XPO4: variants seen among roughly 807,000 people sequenced by gnomAD.
XPO4 encodes the protein exportin-4.
XPO4 carries 39 observed loss-of-function variants against 143.0 expected under a neutral mutation model. The ratio of observed to expected loss-of-function variants is 0.27; its 90% confidence interval spans 0.21 to 0.36. The LOEUF (loss-of-function observed/expected upper bound fraction) is 0.36, where lower values mean the gene tolerates loss of function less well. Ranked by LOEUF, XPO4 falls within the 10% of genes least tolerant of loss-of-function variation. XPO4 has a pLI of 1.00. For synonymous variants in XPO4, 439 were observed against 474.0 expected (o/e 0.93, Z 0.96); for missense variants, 907 against 1,348.0 (o/e 0.67, Z 5.12).
chr13:20,821,214 T>G (rs1318763321), intron 9 of XPO4, among the ~76,000 whole-genome samples: 1 of 151,850 alleles, frequency 6.6e-6, no homozygotes, highest in East Asian at 1.9e-4. Context: ...TCCAAAAAAT[T>G]AGAGAGCACA....
At chr13:20,848,441 A>G (rs2060049307) in intron 4 of XPO4, 2 of 985,288 alleles carry the variant, frequency 2.0e-6, no homozygotes, top group Non-Finnish European at 1.2e-6. Context: ...CCTAATTTGC[A>G]TAATTGTCCT....
intron 6 of XPO4, among the ~76,000 whole-genome samples, chr13:20,839,191 A>G (rs1420239602): frequency 2.0e-5 from 3 of 152,070 alleles, no homozygotes; most frequent in African/African-American, 7.2e-5. Flanking sequence ...CTGCACCCAG[A>G]AGGCAGAGGT....
At position 20,796,230 on chromosome 13, in the gene XPO4, G is replaced by C. The variant is rs1274671766; in HGVS notation, c.2643C>G (p.Ala881=). The change falls in exon 18 of 23, where the codon GCC becomes GCG. Residue 881 remains alanine, a synonymous_variant. Transcript: ENST00000255305. ...GESKAMNLYE[A]CLTLLQVYSK... The stretch of plus-strand genomic sequence containing the variant: ...AATACACTTGCAACAAAGTAAGGCA[G>C]GCTTCATATAAGTTCATAGCTTTGG... 1.2e-6 allele frequency: 2 copies of C among 1,609,620 alleles called. No homozygotes were observed. The highest frequency in any genetic ancestry group is 2.2e-5 in the South Asian group (2 of 90,502).
chr13:20,897,436 T>G (rs1414843327), intron 1 of XPO4, among the ~76,000 whole-genome samples: 1 of 152,220 alleles, frequency 6.6e-6, no homozygotes, highest in East Asian at 1.9e-4. Flanking sequence ...TGATTCAGCT[T>G]AAGGGTTACC....
rs1365953455 is a variant in XPO4 at position 20,782,087 on chromosome 13, TAACATCACATGC to T, written c.*1623_*1634del. 1 of 152,248 alleles carries T rather than the reference TAACATCACATGC, an allele frequency of 6.6e-6. No individual in the cohort carries two copies. The highest frequency in any genetic ancestry group is 1.5e-5 in the Non-Finnish European group (1 of 68,044). 9.4% of individuals were successfully genotyped at this position (152,248 alleles called of 1,614,324 possible). A position where few individuals can be genotyped will look rare whatever the true frequency, so the allele number is the denominator to read the frequency against. ...CCAAGGCCCTGCATTCACATCTACC[TAACATCACATGC>T]ACAGGTTGGATGTAATTCAGATGCT... On this transcript the variant is annotated 3_prime_UTR_variant, in exon 23 of 23. Coordinates refer to ENST00000255305, the MANE Select transcript of XPO4 (RefSeq NM_022459.5).
intron 9 of XPO4, among the ~76,000 whole-genome samples, chr13:20,819,630 A>C (rs563653381): frequency 8.5e-5 from 13 of 152,270 alleles, no homozygotes; most frequent in African/African-American, 2.6e-4. Flanking sequence ...ATCGCAGTCC[A>C]GCCTGGGCGA....
intron 3 of XPO4, among the ~76,000 whole-genome samples, chr13:20,862,311 A>G (rs2060209113): frequency 6.6e-6 from 1 of 152,202 alleles, no homozygotes; most frequent in Admixed American, 6.5e-5. Flanking sequence ...AACAACAACA[A>G]CAAAAAACTA....
intron 1 of XPO4, among the ~76,000 whole-genome samples, chr13:20,886,827 A>G (rs2060465325): frequency 6.6e-6 from 1 of 152,136 alleles, no homozygotes. Context: ...TAATCCCAGC[A>G]CTTTGGGAGG....
At chr13:20,863,984 T>C (rs187351360) in intron 2 of XPO4, among the ~76,000 whole-genome samples, 1 of 152,282 alleles carries the variant, frequency 6.6e-6, no homozygotes, top group African/African-American at 2.4e-5. Context: ...CCTATATAAA[T>C]TCCTATCGTA....
rs911593264 is a variant in XPO4 at position 20,785,907 on chromosome 13, G to GAGGA, written c.3258+1054_3258+1057dup. 8.0e-4 allele frequency among the ~76,000 whole-genome samples: 116 copies of GAGGA among 144,200 alleles called. 2 individuals carry two copies. The highest frequency in any genetic ancestry group is 2.8e-3 in the African/African-American group (106 of 38,528). The allele number at this position is 144,200 out of a possible 152,430, so 94.6% of individuals were successfully genotyped here. On this transcript the variant is annotated intron_variant, in intron 22 of 22. Transcript: ENST00000255305. ...GAGGGAGAAAGAAAGAAAGAGGAGG[G>GAGGA]AGGAAGGAAGGAAGAAAGGAAAGAA...
intron 4 of XPO4, chr13:20,851,103 G>T (rs1237323261): frequency 1.0e-6 from 1 of 984,998 alleles, no homozygotes; most frequent in Non-Finnish European, 1.2e-6. Flanking sequence ...TTATATCTGA[G>T]ACTATGAAAA....
intron 3 of XPO4, 58 bp downstream of exon 3, chr13:20,862,659 A>G: frequency 6.3e-7 from 1 of 1,596,882 alleles, no homozygotes; most frequent in East Asian, 2.2e-5. Flanking sequence ...AAAAAGCTCT[A>G]AAAAGATACA....
At chr13:20,875,102 A>G (rs2138146896) in intron 1 of XPO4, among the ~76,000 whole-genome samples, 1 of 152,342 alleles carries the variant, frequency 6.6e-6, no homozygotes, top group East Asian at 1.9e-4. Context: ...AAAACGATAG[A>G]TGTACCAACC....
intron 9 of XPO4, among the ~76,000 whole-genome samples, chr13:20,815,974 G>A (rs979863839): frequency 6.6e-6 from 1 of 151,966 alleles, no homozygotes; most frequent in Non-Finnish European, 1.5e-5. Flanking sequence ...AAAACCACAG[G>A]TTAAAAAACA....
intron 1 of XPO4, among the ~76,000 whole-genome samples, chr13:20,893,047 T>G (rs1443013232): frequency 6.6e-6 from 1 of 151,872 alleles, no homozygotes; most frequent in Non-Finnish European, 1.5e-5. Context: ...AGGACTAGTA[T>G]ATGAGAGGCC....
At chr13:20,849,998 C>T (rs193066927) in intron 4 of XPO4, 13,809 of 607,478 alleles carry the variant, frequency 0.023, 196 homozygotes, top group Non-Finnish European at 0.026. Flanking sequence ...CCCAGCTACT[C>T]GGGTGGCTGA....
intron 6 of XPO4, among the ~76,000 whole-genome samples, chr13:20,841,124 T>C (rs1198573691): frequency 6.6e-6 from 1 of 152,172 alleles, no homozygotes; most frequent in Non-Finnish European, 1.5e-5. Flanking sequence ...ATATATGCAG[T>C]GTAACTTTTG....
intron 9 of XPO4, 52 bp downstream of exon 9, chr13:20,821,652 C>T (rs144483994): frequency 3.2e-5 from 50 of 1,546,918 alleles, no homozygotes; most frequent in Middle Eastern, 1.7e-4. Context: ...CCAAAGGCAC[C>T]GCAAATTTCC....
Position 20,782,277 on chromosome 13 carries a change from T to C in XPO4, c.*1445A>G, listed in dbSNP as rs2059151645. On this transcript the variant is annotated 3_prime_UTR_variant, in exon 23 of 23. Coordinates refer to ENST00000255305, the MANE Select transcript of XPO4 (RefSeq NM_022459.5). ...GTCAGGAACATGGTGGAAGCAGAGT[T>C]TCATGAGTGCACCTGTGCCAGAGTC... The C allele has an allele frequency of 6.6e-6, 1 of 152,218 alleles. No homozygotes were observed. Among genetic ancestry groups the C allele is most frequent in the African/African-American group, 2.4e-5 (1 of 41,460 alleles). 9.4% of individuals were successfully genotyped at this position (152,218 alleles called of 1,614,324 possible). A position where few individuals can be genotyped will look rare whatever the true frequency, so the allele number is the denominator to read the frequency against.
Sources: gnomAD v4.1 joint callset for allele counts (sites outside exome capture counted in the v4.1 genomes callset) on GRCh38, gnomAD v4.1.1 for gene constraint, MANE v1.5 for transcripts, NCBI Gene and HGNC (gene_info 2026-07-23, HGNC 2026-07-21) for gene names.